NEK6: variants seen among roughly 807,000 people sequenced by gnomAD.
NEK6 encodes the protein serine/threonine-protein kinase Nek6.
In NEK6, 27 loss-of-function variants were observed where a neutral mutation model predicts 43.5. That is an observed-to-expected ratio of 0.62 (90% CI 0.46 to 0.86). The LOEUF is 0.86. NEK6 is among the 40% of genes least tolerant of loss of function. The probability of loss-of-function intolerance (pLI) is 0.00; values close to 1 mark genes in which losing one functional copy is unlikely to be tolerated. For missense variants in NEK6, 318 were observed against 414.4 expected, an observed-to-expected ratio of 0.77 and a Z score of 2.02; for synonymous variants, 167 against 164.1, an observed-to-expected ratio of 1.02 and a Z score of -0.14.
At position 124,275,260 on chromosome 9, in the gene NEK6, C is replaced by T. The variant is rs1831607244; in HGVS notation, c.-30+17175C>T. Among the ~76,000 whole-genome samples the T allele has an allele frequency of 6.6e-6, 1 of 152,216 alleles. No homozygotes were observed. Among genetic ancestry groups the T allele is most frequent in the Non-Finnish European group, 1.5e-5 (1 of 68,038 alleles). On this transcript the variant is annotated intron_variant, in intron 1 of 9. Coordinates refer to ENST00000320246, the MANE Select transcript of NEK6 (RefSeq NM_014397.6). This position sits in a 1 kb window ranked among gnomAD's most constrained non-coding sequence, Gnocchi z 4.4. ...TCTAGGGATGAGATGTAGGTGCCCA[C>T]TTATTTAAACCAGGGCCATTTCATC...
At chr9:124,260,984 G>A (rs2026190) in intron 1 of NEK6, 43,525 of 152,100 alleles carry the variant, frequency 0.29, 6,531 homozygotes, top group South Asian at 0.35. Context: ...GTTCAGTGTC[G>A]TTTTCCTGAT....
intron 2 of NEK6, among the ~76,000 whole-genome samples, chr9:124,311,874 G>T (rs76946469): frequency 0.045 from 6,827 of 152,274 alleles, 223 homozygotes; most frequent in African/African-American, 0.095. Flanking sequence ...ATTTTTAGTG[G>T]AGACAGGGTT....
At chr9:124,311,278 A>G (rs1035689308) in intron 2 of NEK6, among the ~76,000 whole-genome samples, 1 of 152,204 alleles carries the variant, frequency 6.6e-6, no homozygotes, top group Non-Finnish European at 1.5e-5. Flanking sequence ...TTCATGCTAG[A>G]AAGTTGAACT....
chr9:124,305,180 C>G (rs1314121060), intron 2 of NEK6, among the ~76,000 whole-genome samples: 1 of 152,126 alleles, frequency 6.6e-6, no homozygotes, highest in Non-Finnish European at 1.5e-5. Flanking sequence ...ATTGCACAGG[C>G]CAAAATCTTT....
chr9:124,308,081 C>A (rs565642873), intron 2 of NEK6, among the ~76,000 whole-genome samples: 2 of 152,186 alleles, frequency 1.3e-5, no homozygotes, highest in African/African-American at 4.8e-5. Flanking sequence ...ATCCATTTAA[C>A]CCCCAGCAGC....
intron 1 of NEK6, chr9:124,286,396 G>A (rs1003436776): frequency 6.6e-6 from 1 of 152,130 alleles, no homozygotes; most frequent in Non-Finnish European, 1.5e-5. Flanking sequence ...AAATGAGAAG[G>A]TGTCCTCTGT....
intron 1 of NEK6, among the ~76,000 whole-genome samples, chr9:124,287,394 CTTGG>C (rs1832214331): frequency 6.6e-6 from 1 of 152,228 alleles, no homozygotes; most frequent in Non-Finnish European, 1.5e-5. Flanking sequence ...GGTAAGGGGC[CTTGG>C]GCAAGTCGTG....
At chr9:124,283,182 G>A (rs181804412) in intron 1 of NEK6, among the ~76,000 whole-genome samples, 3 of 152,364 alleles carry the variant, frequency 2.0e-5, no homozygotes, top group Admixed American at 2.0e-4. Context: ...GACCCTCTCA[G>A]GAAGGCTGGG....
chr9:124,281,491 T>TTTC (rs1564619942), intron 1 of NEK6, among the ~76,000 whole-genome samples: 3 of 87,048 alleles, frequency 3.4e-5, no homozygotes, highest in African/African-American at 7.8e-5. Flanking sequence ...TTTTTTCTTT[T>TTTC]TTTTTTTTTT....
At chr9:124,270,297 A>C (rs1831388969) in intron 1 of NEK6, among the ~76,000 whole-genome samples, 3 of 152,132 alleles carry the variant, frequency 2.0e-5, no homozygotes, top group Admixed American at 1.3e-4. Context: ...AGTTCACCCC[A>C]CAAGACCTGC....
rs112558615 is a variant in NEK6, at chr9:124,263,882, G to A, written c.-30+5797G>A. Among the ~76,000 whole-genome samples, 352 of 152,350 alleles carry A rather than the reference G, an allele frequency of 2.3e-3. 1 individual carries two copies. The highest frequency in any genetic ancestry group is 8.2e-3 in the African/African-American group (342 of 41,582). On this transcript the variant is annotated intron_variant, in intron 1 of 9. Transcript: ENST00000320246. ...TCGTTCCCACCTGTCCCCACAAAGC[G>A]AGGCCATAAGTCCTCGGCGTGGCAT...
chr9:124,303,637 T>C (rs192581860), intron 2 of NEK6, among the ~76,000 whole-genome samples: 1 of 152,090 alleles, frequency 6.6e-6, no homozygotes, highest in Admixed American at 6.6e-5. Flanking sequence ...ATGCAGAGGG[T>C]CCATGGGGCA....
intron 2 of NEK6, among the ~76,000 whole-genome samples, chr9:124,311,259 A>G (rs905220740): frequency 2.0e-5 from 3 of 152,210 alleles, no homozygotes; most frequent in African/African-American, 7.2e-5. Context: ...ACCCTCACCA[A>G]AGACCCACTT....
At chr9:124,298,230 C>T (rs1832791531) in intron 1 of NEK6, among the ~76,000 whole-genome samples, 1 of 151,926 alleles carries the variant, frequency 6.6e-6, no homozygotes, top group Admixed American at 6.6e-5. Flanking sequence ...CCTCGCGCCT[C>T]CCCACCTCCT....
intron 5 of NEK6, among the ~76,000 whole-genome samples, chr9:124,325,838 G>T (rs1473757990): frequency 2.0e-5 from 3 of 152,238 alleles, no homozygotes; most frequent in African/African-American, 7.2e-5. Flanking sequence ...AGTGCACTGA[G>T]ATCTGCTGGT....
chr9:124,291,988 A>G (rs915014267), intron 1 of NEK6: 2 of 987,822 alleles, frequency 2.0e-6, no homozygotes, highest in African/African-American at 3.5e-5. Flanking sequence ...CCCAGCCCAG[A>G]GAGGCGACCC....
intron 1 of NEK6, among the ~76,000 whole-genome samples, chr9:124,264,775 A>G (rs1286989059): frequency 6.9e-6 from 1 of 144,720 alleles, no homozygotes; most frequent in Non-Finnish European, 1.5e-5. Context: ...AGATTGTGCC[A>G]CTGCACTCCA....
chr9:124,337,859 G>T (rs1829371209), intron 7 of NEK6, among the ~76,000 whole-genome samples: 2 of 152,230 alleles, frequency 1.3e-5, no homozygotes, highest in Non-Finnish European at 2.9e-5. Flanking sequence ...CTTCTCATCA[G>T]CAAAGCATGG....
chr9:124,261,299 A>C (rs550066198), intron 1 of NEK6: 1 of 689,156 alleles, frequency 1.5e-6, no homozygotes, highest in African/African-American at 1.9e-5. Context: ...CTTTTCTTTA[A>C]GTGCCCCAGA....
Sources: allele counts gnomAD v4.1 joint callset (sites outside exome capture counted in the v4.1 genomes callset), GRCh38; gene constraint gnomAD v4.1.1; non-coding constraint Gnocchi (gnomAD v3.1); transcripts MANE v1.5; gene names NCBI Gene and HGNC (gene_info 2026-07-23, HGNC 2026-07-21).